EEFSEC: variants seen among roughly 807,000 people sequenced by gnomAD.
The protein encoded by EEFSEC is eukaryotic elongation factor, selenocysteine-tRNA specific.
A neutral mutation model predicts 42.1 loss-of-function variants in EEFSEC; 43 were observed. That is an observed-to-expected ratio of 1.02 (90% CI 0.80 to 1.32). The LOEUF (loss-of-function observed/expected upper bound fraction) is 1.32. Ranked by LOEUF, EEFSEC falls within the 40% of genes most tolerant of loss-of-function variation. The probability of loss-of-function intolerance (pLI) is 0.00; values close to 1 mark genes in which losing one functional copy is unlikely to be tolerated. For synonymous variants in EEFSEC, 354 were observed against 339.1 expected (o/e 1.04, Z -0.48); for missense variants, 745 against 803.6 (o/e 0.93, Z 0.88).
intron 4 of EEFSEC, among the ~76,000 whole-genome samples, chr3:128,296,893 T>G (rs1029342933): frequency 2.0e-5 from 3 of 152,152 alleles, no homozygotes; most frequent in African/African-American, 7.2e-5. Context: ...GTAGAGGAAT[T>G]GTAGCCAATG....
At chr3:128,379,401 G>T (rs2067747837) in intron 6 of EEFSEC, among the ~76,000 whole-genome samples, 1 of 152,154 alleles carries the variant, frequency 6.6e-6, no homozygotes, top group Admixed American at 6.5e-5. Context: ...CAAAGACAAT[G>T]ATATTATAAA....
chr3:128,401,013 G>C (rs746143888), intron 6 of EEFSEC, among the ~76,000 whole-genome samples: 5 of 152,202 alleles, frequency 3.3e-5, no homozygotes, highest in Non-Finnish European at 7.3e-5. Context: ...GGTTCATCAG[G>C]GGGTGGAGCA....
intron 5 of EEFSEC, among the ~76,000 whole-genome samples, chr3:128,350,492 G>T (rs1037523757): frequency 7.2e-5 from 11 of 152,222 alleles, no homozygotes; most frequent in Non-Finnish European, 1.5e-4. Context: ...CCCTGAAACA[G>T]AGGTTGAGAA....
rs550217622 is a variant in EEFSEC, at chr3:128,368,518, AGAG to A, written c.1600+10149_1600+10151del. On this transcript the variant is annotated intron_variant, in intron 6 of 6. Transcript: ENST00000254730. ...AATGAAGTTTTCTGTGTTTTAAGAA[AGAG>A]GAGTTTTAAAAAACAATAAACAACA... Among the ~76,000 whole-genome samples, 45 of 152,344 alleles carry A rather than the reference AGAG, an allele frequency of 3.0e-4. No homozygotes were observed. The East Asian group carries it at 8.1e-3, about 27-fold the overall frequency.
intron 1 of EEFSEC, among the ~76,000 whole-genome samples, chr3:128,229,141 C>A (rs961614729): frequency 6.6e-6 from 1 of 152,214 alleles, no homozygotes; most frequent in Non-Finnish European, 1.5e-5. Context: ...CATGCATTAA[C>A]TCCTTCAGTC....
intron 1 of EEFSEC, among the ~76,000 whole-genome samples, chr3:128,201,395 A>G (rs1474214583): frequency 6.6e-6 from 1 of 152,126 alleles, no homozygotes; most frequent in Admixed American, 6.5e-5. Context: ...AAAAAAAAAA[A>G]AGAATCTCAT....
At chr3:128,297,296 C>T (rs761584654) in intron 4 of EEFSEC, among the ~76,000 whole-genome samples, 5 of 152,174 alleles carry the variant, frequency 3.3e-5, no homozygotes, top group Non-Finnish European at 5.9e-5. Context: ...GCTTACCCTT[C>T]TCTTGATTAC....
intron 6 of EEFSEC, among the ~76,000 whole-genome samples, chr3:128,360,128 G>A (rs1231785018): frequency 2.6e-5 from 4 of 152,224 alleles, no homozygotes; most frequent in Non-Finnish European, 4.4e-5. Context: ...GGCCTCCAGC[G>A]GTGAAGCTCT....
chr3:128,389,229 C>T (rs2067879046), intron 6 of EEFSEC, among the ~76,000 whole-genome samples: 1 of 152,236 alleles, frequency 6.6e-6, no homozygotes, highest in African/African-American at 2.4e-5. Context: ...CTGACACTCA[C>T]CCGAGGACAT....
In EEFSEC at chr3:128,316,754, C is replaced by T. The variant is rs183951385; in HGVS notation, c.787-24479C>T. Among the ~76,000 whole-genome samples the T allele has an allele frequency of 2.1e-3, 317 of 152,276 alleles. 1 individual carries two copies. Among genetic ancestry groups the T allele is most frequent in the African/African-American group, 7.5e-3 (310 of 41,564 alleles). ...CCGCCCAGCTCGGTGCCGCCAGCAC[C>T]GTGAACCGGGGCACAGCCCTCCCTC... On this transcript the variant is annotated intron_variant, in intron 4 of 6. Transcript: ENST00000254730.
chr3:128,156,470 G>A (rs1944383495), intron 1 of EEFSEC, among the ~76,000 whole-genome samples: 3 of 152,138 alleles, frequency 2.0e-5, no homozygotes, highest in South Asian at 2.1e-4. Context: ...ATGTTATTGT[G>A]CTTCACTTGA....
At chr3:128,264,216 G>A (rs1449573153) in intron 3 of EEFSEC, among the ~76,000 whole-genome samples, 1 of 152,192 alleles carries the variant, frequency 6.6e-6, no homozygotes, top group African/African-American at 2.4e-5. Flanking sequence ...TAGATGATGA[G>A]GAGTTTTAAA....
intron 6 of EEFSEC, among the ~76,000 whole-genome samples, chr3:128,390,373 A>G (rs1368847872): frequency 6.6e-6 from 1 of 152,172 alleles, no homozygotes. Context: ...CAGGCTCAGG[A>G]GGGGTGCATG....
intron 3 of EEFSEC, among the ~76,000 whole-genome samples, 180 bp downstream of exon 3, chr3:128,262,404 G>A (rs140942568): frequency 1.0e-3 from 153 of 152,258 alleles, no homozygotes; most frequent in African/African-American, 3.6e-3. Context: ...CAAAAAGGTA[G>A]ACCCAAACTA....
chr3:128,276,521 TAATAAC>T (rs1325000384), intron 4 of EEFSEC, among the ~76,000 whole-genome samples: 1 of 152,168 alleles, frequency 6.6e-6, no homozygotes, highest in Non-Finnish European at 1.5e-5. Flanking sequence ...ATGGAAATGT[TAATAAC>T]AGAGCCTGCT....
intron 1 of EEFSEC, among the ~76,000 whole-genome samples, chr3:128,163,405 A>G (rs1450748023): frequency 6.6e-6 from 1 of 152,132 alleles, no homozygotes; most frequent in Non-Finnish European, 1.5e-5. Context: ...TGGGGTAGAG[A>G]CAATATCTGA....
At chr3:128,307,841 T>C (rs1410918072) in intron 4 of EEFSEC, among the ~76,000 whole-genome samples, 1 of 152,148 alleles carries the variant, frequency 6.6e-6, no homozygotes, top group Non-Finnish European at 1.5e-5. Context: ...GACTGTGGAG[T>C]TGGCCCTGAC....
chr3:128,365,262 C>T (rs1190444360), intron 6 of EEFSEC, among the ~76,000 whole-genome samples: 1 of 152,170 alleles, frequency 6.6e-6, no homozygotes, highest in East Asian at 1.9e-4. Flanking sequence ...CCTGGGCCAA[C>T]ACCCAGTGGG....
chr3:128,353,341 G>A (rs775722302), intron 5 of EEFSEC, among the ~76,000 whole-genome samples: 1 of 152,208 alleles, frequency 6.6e-6, no homozygotes, highest in Admixed American at 6.5e-5. Context: ...CAGCAGTGCA[G>A]TCCTTCTCAG....
Sources: allele counts gnomAD v4.1 joint callset (sites outside exome capture counted in the v4.1 genomes callset), GRCh38; gene constraint gnomAD v4.1.1; transcripts MANE v1.5; gene names NCBI Gene and HGNC (gene_info 2026-07-23, HGNC 2026-07-21).